The following CDH12 variants were observed in gnomAD, a reference collection of about 807,000 sequenced individuals.
CDH12 encodes cadherin 12.
A neutral mutation model predicts 74.1 loss-of-function variants in CDH12; 41 were observed. That is an observed-to-expected ratio of 0.55 (90% confidence interval 0.43 to 0.72). CDH12 has a LOEUF of 0.72. Ranked by LOEUF, CDH12 falls within the 30% of genes least tolerant of loss-of-function variation. The pLI is 0.00. For missense variants in CDH12, 945 were observed against 977.2 expected, an observed-to-expected ratio of 0.97 and a Z score of 0.44; for synonymous variants, 399 against 355.0, an observed-to-expected ratio of 1.12 and a Z score of -1.39.
At chr5:22,235,294 T>G (rs1340743066) in intron 3 of CDH12, among the ~76,000 whole-genome samples, 1 of 152,000 alleles carries the variant, frequency 6.6e-6, no homozygotes, top group East Asian at 1.9e-4. Context: ...AAAAAACAAA[T>G]TATACGGCCA....
At chr5:22,542,377 A>C (rs1738144375) in intron 1 of CDH12, among the ~76,000 whole-genome samples, 1 of 152,196 alleles carries the variant, frequency 6.6e-6, no homozygotes, top group African/African-American at 2.4e-5. Context: ...TTAAGAAGAG[A>C]AAATGATCCA....
chr5:21,883,502 G>C lies in CDH12; in HGVS notation c.527-28712C>G, dbSNP rs557626138. On this transcript the variant is annotated intron_variant, in intron 6 of 14. Transcript: ENST00000382254. The stretch of plus-strand genomic sequence containing the variant: ...AGGTTGTGGCAGTCAAGGCTCCAGG[G>C]TTTGGTGACAATAGAAAGAACCAAC... The C allele has an allele frequency of 3.1e-5, 50 of 1,612,994 alleles. No homozygotes were observed. The African/African-American group carries it at 5.2e-4, about 17-fold the overall frequency.
At chr5:22,686,817 AC>A (rs1181502907) in intron 1 of CDH12, among the ~76,000 whole-genome samples, 1 of 152,222 alleles carries the variant, frequency 6.6e-6, no homozygotes, top group Non-Finnish European at 1.5e-5. Context: ...ACAGATCTCT[AC>A]AGGTTATCAT....
At chr5:22,688,476 T>C (rs867364275) in intron 1 of CDH12, among the ~76,000 whole-genome samples, 6 of 152,320 alleles carry the variant, frequency 3.9e-5, no homozygotes, top group African/African-American at 1.2e-4. Context: ...CACTTTACAT[T>C]TGTCTAGTGC....
chr5:22,343,543 G>A (rs1297697527), intron 3 of CDH12, among the ~76,000 whole-genome samples: 8 of 151,892 alleles, frequency 5.3e-5, no homozygotes, highest in Non-Finnish European at 8.8e-5. Context: ...TCAGCCTCCC[G>A]AGTAGCTGGG....
chr5:22,331,931 G>C (rs576913525), intron 3 of CDH12, among the ~76,000 whole-genome samples: 2 of 152,144 alleles, frequency 1.3e-5, no homozygotes, highest in South Asian at 2.1e-4. Context: ...TAATTAGTGA[G>C]CTTGGAGACA....
At chr5:22,246,281 A>G (rs765891260) in intron 3 of CDH12, among the ~76,000 whole-genome samples, 2 of 152,162 alleles carry the variant, frequency 1.3e-5, no homozygotes, top group Non-Finnish European at 2.9e-5. Context: ...ACATAGTACC[A>G]GTCTTAGTAA....
chr5:22,740,251 A>T (rs1475087471), intron 1 of CDH12, among the ~76,000 whole-genome samples: 7 of 152,052 alleles, frequency 4.6e-5, no homozygotes, highest in Non-Finnish European at 8.8e-5. Context: ...TTTACTTTAC[A>T]TAACGTGGAT....
intron 3 of CDH12, among the ~76,000 whole-genome samples, chr5:22,215,669 TATG>T (rs1751779296): frequency 6.6e-6 from 1 of 152,124 alleles, no homozygotes; most frequent in Admixed American, 6.5e-5. Flanking sequence ...AGACCAAAAT[TATG>T]ATGATTTTTA....
intron 8 of CDH12, among the ~76,000 whole-genome samples, chr5:21,830,755 A>C (rs1428678241): frequency 6.6e-6 from 1 of 151,992 alleles, no homozygotes; most frequent in East Asian, 1.9e-4. Flanking sequence ...ATACTCACAG[A>C]GGCCAGGTAT....
At chr5:22,753,463 T>C (rs1260108791) in intron 1 of CDH12, among the ~76,000 whole-genome samples, 1 of 147,008 alleles carries the variant, frequency 6.8e-6, no homozygotes, top group Non-Finnish European at 1.5e-5. Context: ...GCAGATGACA[T>C]AGGGCCTTGT....
chr5:22,485,657 T>C (rs1746561798), intron 2 of CDH12, among the ~76,000 whole-genome samples: 1 of 152,194 alleles, frequency 6.6e-6, no homozygotes, highest in Admixed American at 6.5e-5. Context: ...AGCCTTAAAG[T>C]TTACAACATA....
chr5:22,519,729 T>C (rs964986117), intron 1 of CDH12, among the ~76,000 whole-genome samples: 4 of 152,112 alleles, frequency 2.6e-5, no homozygotes, highest in African/African-American at 9.7e-5. Flanking sequence ...GCGCTTCAAA[T>C]TACAATGTCT....
chr5:21,910,335 G>A (rs897326654), intron 6 of CDH12, among the ~76,000 whole-genome samples: 13 of 152,194 alleles, frequency 8.5e-5, no homozygotes, highest in African/African-American at 2.2e-4. Context: ...GGATGTCATC[G>A]GGACCCATGC....
intron 9 of CDH12, among the ~76,000 whole-genome samples, chr5:21,812,649 A>G (rs1253810209): frequency 6.6e-6 from 1 of 152,154 alleles, no homozygotes; most frequent in African/African-American, 2.4e-5. Context: ...TCACATTTTT[A>G]TTAAGTCATA....
chr5:22,393,489 G>A (rs1228073329), intron 3 of CDH12, among the ~76,000 whole-genome samples: 1 of 152,056 alleles, frequency 6.6e-6, no homozygotes, highest in Non-Finnish European at 1.5e-5. Flanking sequence ...GAAGATATTG[G>A]CATCTGGAAG....
chr5:21,752,168 C>A lies in CDH12; in HGVS notation c.1954G>T (p.Asp652Tyr), dbSNP rs756597334. ...TAATGGATGACGTTGTCTCTGATGT[C>A]TTCTTTAGAGGTCATCAGGGTGTCT... Reference protein sequence around the residue: ...KKDTLMTSKEDIRDNVIHYDD... With the variant: ...KKDTLMTSKEYIRDNVIHYDD... The change falls in exon 15 of 15, where the codon GAC becomes TAC. Residue 652 changes from aspartate to tyrosine, a missense_variant. By Grantham distance (160) the Asp-to-Tyr change is radical. Around this residue, in one of 3 missense-constraint regions of CDH12, gnomAD observed 791 missense variants for 792.8 expected, o/e 1.00. Coordinates refer to ENST00000382254, the MANE Select transcript of CDH12 (RefSeq NM_004061.5). 3 of 1,614,008 alleles carry A rather than the reference C, an allele frequency of 1.9e-6. No individual in the cohort carries two copies.
chr5:22,695,585 A>T (rs1024918202), intron 1 of CDH12, among the ~76,000 whole-genome samples: 2 of 152,224 alleles, frequency 1.3e-5, no homozygotes, highest in Admixed American at 6.5e-5. Context: ...GACATATTTT[A>T]AAATTATTTA....
At chr5:21,981,035 T>G (rs897750147) in intron 5 of CDH12, among the ~76,000 whole-genome samples, 2 of 152,300 alleles carry the variant, frequency 1.3e-5, no homozygotes, top group African/African-American at 4.8e-5. Flanking sequence ...TTGTTTCTAT[T>G]TTCATTCTTT....
Sources: gnomAD v4.1 joint callset for allele counts (sites outside exome capture counted in the v4.1 genomes callset) on GRCh38, gnomAD v4.1.1 for gene constraint, gnomAD v4.1.1 regional missense constraint, MANE v1.5 for transcripts, NCBI Gene and HGNC (gene_info 2026-07-23, HGNC 2026-07-21) for gene names.